PARD3: variants seen among roughly 807,000 people sequenced by gnomAD.
The protein encoded by PARD3 is par-3 family cell polarity regulator.
Under a neutral mutation model 155.4 loss-of-function variants are expected in PARD3, and 75 were observed. The observed-to-expected ratio is 0.48, with a 90% CI of 0.40 to 0.58. The LOEUF is 0.58. Ranked by LOEUF, PARD3 falls within the 20% of genes least tolerant of loss-of-function variation. The pLI, the probability that PARD3 is intolerant of heterozygous loss-of-function variation, is 0.00. For synonymous variants in PARD3, 576 were observed against 610.5 expected (o/e 0.94, Z 0.83); for missense variants, 1,642 against 1,721.7 (o/e 0.95, Z 0.82).
At chr10:34,711,549 T>A (rs1314561118) in intron 1 of PARD3, among the ~76,000 whole-genome samples, 1 of 152,114 alleles carries the variant, frequency 6.6e-6, no homozygotes, top group East Asian at 1.9e-4. Context: ...CTAGAACACA[T>A]TTGTCACTTA....
intron 21 of PARD3, among the ~76,000 whole-genome samples, chr10:34,282,455 T>C (rs990057586): frequency 6.6e-6 from 1 of 152,180 alleles, no homozygotes; most frequent in Non-Finnish European, 1.5e-5. Flanking sequence ...AGTGAAACCA[T>C]TATGTAAAAA....
At chr10:34,616,117 G>A (rs893249568) in intron 2 of PARD3, among the ~76,000 whole-genome samples, 21 of 151,994 alleles carry the variant, frequency 1.4e-4, no homozygotes, top group African/African-American at 4.6e-4. Flanking sequence ...CCAGGAGTTC[G>A]AGACCAGCCT....
At chr10:34,195,902 C>T (rs985568433) in intron 22 of PARD3, among the ~76,000 whole-genome samples, 3 of 152,132 alleles carry the variant, frequency 2.0e-5, no homozygotes, top group Admixed American at 6.5e-5. Context: ...GTACGGTACA[C>T]GTGGATAACA....
chr10:34,755,615 C>T (rs1228890598), intron 1 of PARD3, among the ~76,000 whole-genome samples: 1 of 152,048 alleles, frequency 6.6e-6, no homozygotes, highest in Non-Finnish European at 1.5e-5. Context: ...CTGATGTTGG[C>T]ATCTGATCAG....
chr10:34,689,100 A>G (rs150659416), intron 2 of PARD3, among the ~76,000 whole-genome samples: 1 of 152,334 alleles, frequency 6.6e-6, no homozygotes, highest in Non-Finnish European at 1.5e-5. Flanking sequence ...ACAAAACAGG[A>G]CATTATTTTA....
At chr10:34,799,321 C>A (rs1300477631) in intron 1 of PARD3, among the ~76,000 whole-genome samples, 2 of 152,068 alleles carry the variant, frequency 1.3e-5, no homozygotes, top group South Asian at 4.2e-4. Flanking sequence ...GGATTACAAG[C>A]GGGAGCCACC....
chr10:34,557,979 T>A (rs1241742743), intron 2 of PARD3, among the ~76,000 whole-genome samples: 2 of 150,480 alleles, frequency 1.3e-5, no homozygotes, highest in East Asian at 3.9e-4. Flanking sequence ...GTACAAAAGG[T>A]ATCACAAAAC....
At chr10:34,386,405 A>G (rs1842351609) in intron 7 of PARD3, among the ~76,000 whole-genome samples, 1 of 152,252 alleles carries the variant, frequency 6.6e-6, no homozygotes, top group Admixed American at 6.5e-5. Context: ...AAGAGATTCC[A>G]TAATATGCCA....
At chr10:34,185,519 T>A (rs944986747) in intron 22 of PARD3, among the ~76,000 whole-genome samples, 2 of 152,204 alleles carry the variant, frequency 1.3e-5, no homozygotes, top group Non-Finnish European at 2.9e-5. Flanking sequence ...TTCCTTCATT[T>A]ACTGGATTTT....
At chr10:34,600,513 A>C (rs769147459) in intron 2 of PARD3, among the ~76,000 whole-genome samples, 9 of 152,184 alleles carry the variant, frequency 5.9e-5, no homozygotes, top group Non-Finnish European at 1.2e-4. Flanking sequence ...CCATGTGTCC[A>C]CCAGAATATC....
intron 2 of PARD3, among the ~76,000 whole-genome samples, chr10:34,662,275 G>A (rs1317191666): frequency 1.3e-5 from 2 of 152,152 alleles, no homozygotes; most frequent in East Asian, 3.9e-4. Context: ...CAAGGATGTG[G>A]AGAAAAAGAA....
At chr10:34,799,708 C>T (rs775015026) in intron 1 of PARD3, among the ~76,000 whole-genome samples, 1 of 151,958 alleles carries the variant, frequency 6.6e-6, no homozygotes, top group African/African-American at 2.4e-5. Flanking sequence ...GCAGCCAAGC[C>T]GGCTGGGTAC....
intron 2 of PARD3, among the ~76,000 whole-genome samples, chr10:34,547,770 GA>G (rs1388009830): frequency 9.9e-5 from 15 of 151,820 alleles, no homozygotes; most frequent in Non-Finnish European, 1.8e-4. Flanking sequence ...ATGGAAAAAA[GA>G]AAAAAACATA....
At chr10:34,327,223 A>C (rs1356926274) in intron 19 of PARD3, among the ~76,000 whole-genome samples, 1 of 152,220 alleles carries the variant, frequency 6.6e-6, no homozygotes, top group Non-Finnish European at 1.5e-5. Context: ...CCTGTCAAAC[A>C]CAGGTAGGGC....
intron 22 of PARD3, among the ~76,000 whole-genome samples, chr10:34,183,034 G>C (rs887595704): frequency 6.6e-6 from 1 of 152,220 alleles, no homozygotes; most frequent in African/African-American, 2.4e-5. Flanking sequence ...TGAGCCACTA[G>C]ACCAAGAGCA....
chr10:34,241,852 AC>A (rs1953619701), intron 22 of PARD3, among the ~76,000 whole-genome samples: 2 of 152,064 alleles, frequency 1.3e-5, no homozygotes, highest in South Asian at 4.2e-4. Context: ...GTACTTCAAC[AC>A]TCAAATCACA....
chr10:34,208,145 G>C (rs1951567073), intron 22 of PARD3, among the ~76,000 whole-genome samples: 1 of 152,160 alleles, frequency 6.6e-6, no homozygotes, highest in South Asian at 2.1e-4. Context: ...ATGAACACAT[G>C]ATTTACTTTT....
intron 1 of PARD3, among the ~76,000 whole-genome samples, chr10:34,772,792 T>TAAAA (rs555582256): frequency 3.3e-5 from 3 of 90,312 alleles, no homozygotes; most frequent in Non-Finnish European, 4.4e-5. Flanking sequence ...AGACTCCATC[T>TAAAA]AAAAAAAAAA....
chr10:34,591,147 C>A lies in PARD3; in HGVS notation c.223-73988G>T, dbSNP rs574407558. 2.6e-5 allele frequency among the ~76,000 whole-genome samples: 4 copies of A among 152,182 alleles called. No individual in the cohort carries two copies. The East Asian group carries it at 7.8e-4, about 30-fold the overall frequency. ...GCTTGTTCCCAGACCCCCCATCACC[C>A]CCTCCCCATCCCACTCCACATCGTT... On this transcript the variant is annotated intron_variant, in intron 2 of 24. Coordinates refer to ENST00000374788, the MANE Select transcript of PARD3 (RefSeq NM_001184785.2).
Sources: allele counts gnomAD v4.1 joint callset (sites outside exome capture counted in the v4.1 genomes callset), GRCh38; gene constraint gnomAD v4.1.1; transcripts MANE v1.5; gene names NCBI Gene and HGNC (gene_info 2026-07-23, HGNC 2026-07-21).